The following SORCS1 variants were observed in gnomAD, a reference collection of about 807,000 sequenced individuals.
The protein encoded by SORCS1 is VPS10 domain-containing receptor SorCS1.
SORCS1 carries 60 observed loss-of-function variants against 146.1 expected under a neutral mutation model. That is an observed-to-expected ratio of 0.41 (90% CI 0.33 to 0.51). The LOEUF (loss-of-function observed/expected upper bound fraction) is 0.51. SORCS1 is among the 20% of genes least tolerant of loss of function. The probability of loss-of-function intolerance (pLI) is 0.21; values close to 1 mark genes in which losing one functional copy is unlikely to be tolerated. For synonymous variants in SORCS1, 637 were observed against 584.0 expected (o/e 1.09, Z -1.31); for missense variants, 1,352 against 1,487.6 (o/e 0.91, Z 1.50).
At chr10:107,043,469 A>C (rs1429095482) in intron 1 of SORCS1, among the ~76,000 whole-genome samples, 1 of 152,212 alleles carries the variant, frequency 6.6e-6, no homozygotes, top group Non-Finnish European at 1.5e-5. Flanking sequence ...CAATAACTGC[A>C]TTGAGTTTTA....
intron 1 of SORCS1, among the ~76,000 whole-genome samples, chr10:106,993,166 G>A (rs1202662862): frequency 6.6e-6 from 1 of 151,486 alleles, no homozygotes; most frequent in Non-Finnish European, 1.5e-5. Flanking sequence ...TTCATGTCAG[G>A]TTTAGATACT....
At chr10:106,981,095 T>C (rs1409194322) in intron 1 of SORCS1, among the ~76,000 whole-genome samples, 1 of 152,148 alleles carries the variant, frequency 6.6e-6, no homozygotes. Context: ...ACTCAGAAAG[T>C]CTATTTTCCA....
intron 24 of SORCS1, among the ~76,000 whole-genome samples, chr10:106,587,736 C>A (rs1353448026): frequency 1.3e-5 from 2 of 152,190 alleles, no homozygotes; most frequent in African/African-American, 4.8e-5. Flanking sequence ...TATTAAAAAA[C>A]CCACACATAC....
At chr10:106,671,418 T>C in intron 15 of SORCS1, 51 bp from the exon 16 acceptor site, 1 of 1,609,872 alleles carries the variant, frequency 6.2e-7, no homozygotes, top group Non-Finnish European at 8.5e-7. Flanking sequence ...TTGGACTTTC[T>C]CTGCTCCACA....
chr10:106,953,499 C>G (rs1400936014), intron 2 of SORCS1, among the ~76,000 whole-genome samples: 1 of 149,910 alleles, frequency 6.7e-6, no homozygotes, highest in East Asian at 1.9e-4. Context: ...GATCTAAAAC[C>G]CACAGATAGG....
At chr10:106,984,193 CAG>C (rs1956355553) in intron 1 of SORCS1, among the ~76,000 whole-genome samples, 1 of 152,084 alleles carries the variant, frequency 6.6e-6, no homozygotes, top group South Asian at 2.1e-4. Flanking sequence ...TCTCAATAAT[CAG>C]AAAGTCGGAT....
At chr10:107,064,810 G>A (rs970527367) in intron 1 of SORCS1, among the ~76,000 whole-genome samples, 11 of 152,260 alleles carry the variant, frequency 7.2e-5, no homozygotes, top group Non-Finnish European at 1.0e-4. Flanking sequence ...AACTATTTTT[G>A]CAAATAGCTT....
chr10:106,708,112 G>C (rs1233912515), intron 7 of SORCS1, among the ~76,000 whole-genome samples: 3 of 152,170 alleles, frequency 2.0e-5, no homozygotes, highest in Non-Finnish European at 2.9e-5. Flanking sequence ...AAAGGTTCCT[G>C]GGAGCAGCAC....
chr10:106,925,578 C>T (rs1045304442), intron 2 of SORCS1, among the ~76,000 whole-genome samples: 3 of 152,176 alleles, frequency 2.0e-5, no homozygotes, highest in Non-Finnish European at 1.5e-5. Flanking sequence ...GCAATCTCTT[C>T]CCTCACTGTT....
intron 2 of SORCS1, among the ~76,000 whole-genome samples, chr10:106,832,143 C>G (rs1388809099): frequency 6.7e-6 from 1 of 150,178 alleles, no homozygotes; most frequent in Admixed American, 6.6e-5. Flanking sequence ...TAAGAAATAT[C>G]GAAGAATTCT....
intron 23 of SORCS1, among the ~76,000 whole-genome samples, chr10:106,606,562 C>T (rs868527701): frequency 4.6e-5 from 7 of 152,288 alleles, no homozygotes; most frequent in Middle Eastern, 3.4e-3. Flanking sequence ...CTTGATATCA[C>T]GGACAATTTT....
intron 3 of SORCS1, among the ~76,000 whole-genome samples, chr10:106,812,526 T>C (rs970018428): frequency 6.6e-6 from 1 of 152,232 alleles, no homozygotes; most frequent in Non-Finnish European, 1.5e-5. Context: ...TTAGGTCTAG[T>C]TGTAAACAGC....
chr10:107,153,896 G>GAGTC (rs1445637345), intron 1 of SORCS1, among the ~76,000 whole-genome samples: 3 of 151,558 alleles, frequency 2.0e-5, no homozygotes, highest in African/African-American at 7.3e-5. Flanking sequence ...CAAACATTTT[G>GAGTC]AGTCATATCC....
At chr10:106,787,369 T>C (rs1044963697) in intron 3 of SORCS1, among the ~76,000 whole-genome samples, 16 of 152,168 alleles carry the variant, frequency 1.1e-4, no homozygotes, top group African/African-American at 3.9e-4. Context: ...GCCATTTAGG[T>C]CTGAAAGTGA....
chr10:106,643,739 A>T lies in SORCS1; in HGVS notation c.2475+8643T>A, dbSNP rs189794092. ...AGATTCCCCAATCTGTTCCCACATC[A>T]CTCAACCCAGTGTGAGATGCCTGAT... On this transcript the variant is annotated intron_variant, in intron 18 of 25. Coordinates refer to ENST00000263054, the MANE Select transcript of SORCS1 (RefSeq NM_052918.5). Among the ~76,000 whole-genome samples, 581 of 152,184 alleles carry T rather than the reference A, an allele frequency of 3.8e-3. 4 individuals carry two copies. Among genetic ancestry groups the T allele is most frequent in the Non-Finnish European group, 4.5e-3 (307 of 67,994 alleles).
rs138249257 is a variant in SORCS1, at chr10:106,756,966, T to G, written c.959+4622A>C. ...CCATACTTTTAGCCAGGGAGATGGA[T>G]TTGAGACTGAGCCCCCGTCTCCTTG... On this transcript the variant is annotated intron_variant, in intron 5 of 25. Coordinates refer to ENST00000263054, the MANE Select transcript of SORCS1 (RefSeq NM_052918.5). Among the ~76,000 whole-genome samples, 329 of 152,298 alleles carry G rather than the reference T, an allele frequency of 2.2e-3. 1 individual carries two copies. Among genetic ancestry groups the G allele is most frequent in the African/African-American group, 7.6e-3 (317 of 41,572 alleles).
chr10:106,614,265 A>T (rs2133440663), intron 21 of SORCS1, among the ~76,000 whole-genome samples: 1 of 152,274 alleles, frequency 6.6e-6, no homozygotes, highest in South Asian at 2.1e-4. Context: ...AACATTTTTT[A>T]TGTTAAGCAT....
chr10:107,076,166 AG>A (rs1750462119), intron 1 of SORCS1, among the ~76,000 whole-genome samples: 1 of 152,098 alleles, frequency 6.6e-6, no homozygotes, highest in African/African-American at 2.4e-5. Flanking sequence ...GTCTGTTGCT[AG>A]GTTTTCGGCA....
chr10:107,157,984 G>T (rs1322361649), intron 1 of SORCS1, among the ~76,000 whole-genome samples: 1 of 152,132 alleles, frequency 6.6e-6, no homozygotes, highest in Non-Finnish European at 1.5e-5. Context: ...ACAAAAACAG[G>T]ACAAATATTT....
Sources: allele counts gnomAD v4.1 joint callset (sites outside exome capture counted in the v4.1 genomes callset), GRCh38; gene constraint gnomAD v4.1.1; transcripts MANE v1.5; gene names NCBI Gene and HGNC (gene_info 2026-07-23, HGNC 2026-07-21).